Variants in WEE1 observed in about 807,000 individuals in gnomAD.
WEE1 encodes wee1-like protein kinase.
Under a neutral mutation model 68.8 loss-of-function variants are expected in WEE1, and 16 were observed. That is an observed-to-expected ratio of 0.23 (90% CI 0.16 to 0.35). The LOEUF (loss-of-function observed/expected upper bound fraction) is 0.35, where lower values mean the gene tolerates loss of function less well. Among genes scored for constraint, WEE1 ranks in the 10% least tolerant of loss-of-function variants. The pLI, the probability that WEE1 is intolerant of heterozygous loss-of-function variation, is 1.00. For synonymous variants in WEE1, 349 were observed against 318.7 expected, an observed-to-expected ratio of 1.09 and a Z score of -1.01; for missense variants, 651 against 824.1, an observed-to-expected ratio of 0.79 and a Z score of 2.57.
At position 9,573,930 on chromosome 11, in the gene WEE1, C is replaced by G; in HGVS notation, c.-4C>G. 1.6e-6 allele frequency: 2 copies of G among 1,270,602 alleles called. No individual in the cohort carries two copies. The highest frequency in any genetic ancestry group is 2.7e-5 in the South Asian group (1 of 37,692). The allele number at this position is 1,270,602 out of a possible 1,614,324, so 78.7% of individuals were successfully genotyped here. ...CTGTCCTCGGCCCCGTCCCCAGGGC[C>G]GCGATGAGCTTCCTGAGCCGACAGC... On this transcript the variant is annotated 5_prime_UTR_variant, in exon 1 of 11. Transcript: ENST00000450114.
In WEE1 at chr11:9,577,041, T is replaced by C. The variant is rs561592184; in HGVS notation, c.1020-101T>C. Reference sequence around the variant, plus strand: ...AGCAAGTTGCTTTTTAGCATAACAATAGATACCAAAAATTTATTGTATGAA... The same window carrying C: ...AGCAAGTTGCTTTTTAGCATAACAACAGATACCAAAAATTTATTGTATGAA... On this transcript the variant is annotated intron_variant, in intron 4 of 10. Transcript: ENST00000450114. The C allele has an allele frequency of 7.3e-6, 10 of 1,376,722 alleles. No individual in the cohort carries two copies. In the Admixed American group the frequency reaches 7.3e-5, roughly 10 times the overall value. 85.3% of individuals were successfully genotyped at this position (1,376,722 alleles called of 1,614,324 possible).
rs1040728267 is a variant in WEE1, at chr11:9,574,977, G to C, written c.576+468G>C. ...ATAATTGTCCCGCCCTGATCGTGTC[G>C]TGTCGTGTGGCGTGGATGGGGGAAA... On this transcript the variant is annotated intron_variant, in intron 1 of 10. Coordinates refer to ENST00000450114, the MANE Select transcript of WEE1 (RefSeq NM_003390.4). The surrounding 1 kb of genome is among the most constrained non-coding windows in gnomAD (Gnocchi z 4.9). The C allele has an allele frequency of 1.1e-5, 11 of 985,676 alleles. No individual in the cohort carries two copies. In the South Asian group the frequency reaches 3.8e-4, roughly 34 times the overall value. The allele number at this position is 985,676 out of a possible 1,614,324, so 61.1% of individuals were successfully genotyped here. A position where few individuals can be genotyped will look rare whatever the true frequency, so the allele number is the denominator to read the frequency against.
chr11:9,580,495 C>T (rs1315492905), intron 5 of WEE1: 1 of 135,668 alleles, frequency 7.4e-6, no homozygotes, highest in African/African-American at 2.7e-5. Context: ...GACTGAGTCT[C>T]ACTCTGCCAC....
intron 5 of WEE1, chr11:9,579,510 G>A (rs996453569): frequency 2.0e-5 from 3 of 152,182 alleles, no homozygotes; most frequent in African/African-American, 7.2e-5. Context: ...GAATTAACCT[G>A]TATAAACAAG....
intron 1 of WEE1, chr11:9,575,380 G>C: frequency 1.0e-6 from 1 of 992,066 alleles, no homozygotes; most frequent in South Asian, 4.5e-5. Flanking sequence ...TTTAAAGTGA[G>C]TTTGTTTTGT....
In WEE1 at chr11:9,574,746, G is replaced by T. The variant is rs1215725677; in HGVS notation, c.576+237G>T. ...ATCTTACAAAGGGGCCGATCGGCCC[G>T]TCCGGGTGGCCAAGGATTTGCCGCC... On this transcript the variant is annotated intron_variant, in intron 1 of 10. Coordinates refer to ENST00000450114, the MANE Select transcript of WEE1 (RefSeq NM_003390.4). The surrounding 1 kb of genome is among the most constrained non-coding windows in gnomAD (Gnocchi z 4.9). 2.9e-6 allele frequency: 3 copies of T among 1,031,238 alleles called. No individual in the cohort carries two copies. The highest frequency in any genetic ancestry group is 8.4e-5 in the East Asian group (1 of 11,880). The allele number at this position is 1,031,238 out of a possible 1,614,324, so 63.9% of individuals were successfully genotyped here.
chr11:9,586,828 GA>G lies in WEE1; in HGVS notation c.1763del (p.Lys588SerfsTer50). 6.2e-7 allele frequency: 1 copy of G among 1,608,724 alleles called. No homozygotes were observed. Among genetic ancestry groups the G allele is most frequent in the Non-Finnish European group, 8.5e-7 (1 of 1,178,630 alleles). ...AEQLRIELNA[E>X]KFKNSLLQKE... ...ACAATTACGAATAGAATTGAATGCC[GA>G]AAAGTTCAAAAATTCACTTTTACAA... On this transcript the variant is annotated frameshift_variant, in exon 10 of 11. Coordinates refer to ENST00000450114, the MANE Select transcript of WEE1 (RefSeq NM_003390.4). LOFTEE classifies it high-confidence loss of function.
In WEE1 at chr11:9,574,068, C is replaced by G; in HGVS notation, c.135C>G (p.Ser45Arg). The G allele has an allele frequency of 8.0e-7, 1 of 1,245,568 alleles. No homozygotes were observed. Among genetic ancestry groups the G allele is most frequent in the Non-Finnish European group, 1.0e-6 (1 of 994,574 alleles). 77.2% of individuals were successfully genotyped at this position (1,245,568 alleles called of 1,614,324 possible). ...AAGAAGAGGAGGAGGAGGAGGGCAGCGGCCACAGCACCGGGGAGGACTCGG... is the reference window on the plus strand; with the variant it reads ...AAGAAGAGGAGGAGGAGGAGGGCAGGGGCCACAGCACCGGGGAGGACTCGG... The part of the protein sequence containing the change: ...EEEEEEEEEG[S>R]GHSTGEDSAF... The change falls in exon 1 of 11, where the codon AGC becomes AGG. Residue 45 changes from serine to arginine, a missense_variant. By Grantham distance (110) the Ser-to-Arg change is moderately radical. This residue lies in a region of WEE1 where 395 missense variants were observed against 378.4 expected (regional missense o/e 1.04). Transcript: ENST00000450114. This position sits in a 1 kb window ranked among gnomAD's most constrained non-coding sequence, Gnocchi z 4.9.
intron 6 of WEE1, among the ~76,000 whole-genome samples, chr11:9,583,802 CATATATATATATATATATAT>C (rs371859938): frequency 0.015 from 270 of 17,794 alleles, no homozygotes; most frequent in Admixed American, 0.023. Context: ...CACACACACA[CATATATATATATATATATAT>C]ATATATATAT....
At chr11:9,583,755 GCGCGCGCACACACA>G (rs1849657168) in intron 6 of WEE1, among the ~76,000 whole-genome samples, 3 of 8,752 alleles carry the variant, frequency 3.4e-4, no homozygotes, top group African/African-American at 1.0e-3. Flanking sequence ...GTGCGTGCAC[GCGCGCGCACACACA>G]CACACACACA....
chr11:9,586,301 G>A, intron 8 of WEE1, 148 bp from the exon 9 acceptor site: 1 of 661,990 alleles, frequency 1.5e-6, no homozygotes, highest in Non-Finnish European at 2.4e-6. Context: ...AAATTTAGCA[G>A]TTTATTCTCT....
chr11:9,579,548 A>G (rs1016113986), intron 5 of WEE1: 2 of 152,382 alleles, frequency 1.3e-5, no homozygotes, highest in Admixed American at 6.5e-5. Flanking sequence ...GGATAGGGAA[A>G]GAGAACCTGA....
At position 9,574,175 on chromosome 11, in the gene WEE1, C is replaced by A. The variant is rs370387004; in HGVS notation, c.242C>A (p.Pro81Gln). ...PGPERRRSPG[P>Q]APGSPGELEE... Reference sequence around the variant, plus strand: ...CCCGAGCGCCGCCGCTCGCCCGGGCCGGCCCCCGGCAGCCCCGGCGAGCTG... The same window carrying A: ...CCCGAGCGCCGCCGCTCGCCCGGGCAGGCCCCCGGCAGCCCCGGCGAGCTG... The change falls in exon 1 of 11, where the codon CCG becomes CAG. Residue 81 changes from proline (P) to glutamine (Q), a missense_variant. Pro to Gln is a moderately conservative substitution (Grantham distance 76). Transcript: ENST00000450114. This position sits in a 1 kb window ranked among gnomAD's most constrained non-coding sequence, Gnocchi z 4.9. 1 of 1,180,618 alleles carries A rather than the reference C, an allele frequency of 8.5e-7. No homozygotes were observed. 73.1% of individuals were successfully genotyped at this position (1,180,618 alleles called of 1,614,324 possible). A position where few individuals can be genotyped will look rare whatever the true frequency, so the allele number is the denominator to read the frequency against.
chr11:9,583,759 G>GCACACACACACACA (rs1412609889), intron 6 of WEE1, among the ~76,000 whole-genome samples: 5 of 41,636 alleles, frequency 1.2e-4, no homozygotes, highest in Non-Finnish European at 1.5e-4. Context: ...GTGCACGCGC[G>GCACACACACACACA]CGCACACACA....
rs755341402 is a variant in WEE1, at chr11:9,576,598, C to T, written c.958C>T (p.Leu320=). The T allele has an allele frequency of 1.2e-6, 2 of 1,613,966 alleles. No homozygotes were observed. The highest frequency in any genetic ancestry group is 2.2e-5 in the South Asian group (2 of 91,068). The change falls in exon 4 of 11, where the codon CTG becomes TTG. Residue 320 remains leucine (L), a synonymous_variant. Transcript: ENST00000450114. The surrounding 1 kb of genome is among the most constrained non-coding windows in gnomAD (Gnocchi z 4.3). ...TTCTGTATTTAAGTGTGTGAAGAGG[C>T]TGGATGGATGCATTTATGCCATTAA... ...FGSVFKCVKR[L]DGCIYAIKRS... is the part of the protein sequence containing the mutation.
At chr11:9,575,073 C>T in intron 1 of WEE1, 1 of 985,548 alleles carries the variant, frequency 1.0e-6, no homozygotes, top group African/African-American at 1.7e-5. Context: ...ATTTACAGTC[C>T]TACAGACTCA....
chr11:9,577,365 T>C, intron 5 of WEE1, 102 bp downstream of exon 5: 2 of 1,420,542 alleles, frequency 1.4e-6, no homozygotes, highest in Admixed American at 2.3e-5. Flanking sequence ...CTTTTATCTT[T>C]TATAAATTTA....
intron 1 of WEE1, chr11:9,575,076 C>T: frequency 1.0e-6 from 1 of 985,560 alleles, no homozygotes. Flanking sequence ...TACAGTCCTA[C>T]AGACTCATCC....
At chr11:9,578,877 G>GTTTT (rs1554975009) in intron 5 of WEE1, 2 of 107,370 alleles carry the variant, frequency 1.9e-5, no homozygotes, top group Non-Finnish European at 1.9e-5. Context: ...TTGAAAATAA[G>GTTTT]TTTTTATTTA....
Sources: allele counts gnomAD v4.1 joint callset (sites outside exome capture counted in the v4.1 genomes callset), GRCh38; gene constraint gnomAD v4.1.1; regional missense constraint gnomAD v4.1.1; non-coding constraint Gnocchi (gnomAD v3.1); transcripts MANE v1.5; gene names NCBI Gene and HGNC (gene_info 2026-07-23, HGNC 2026-07-21).